The following PREX1 variants were observed in gnomAD, a reference collection of about 807,000 sequenced individuals.
PREX1 encodes phosphatidylinositol 3,4,5-trisphosphate-dependent Rac exchanger 1 protein.
In PREX1, 41 loss-of-function variants were observed where a neutral mutation model predicts 198.3. The ratio of observed to expected loss-of-function variants is 0.21; its 90% CI spans 0.16 to 0.27. PREX1 has a LOEUF of 0.27. Ranked by LOEUF, PREX1 falls within the 10% of genes least tolerant of loss-of-function variation. The pLI, the probability that PREX1 is intolerant of heterozygous loss-of-function variation, is 1.00. For missense variants in PREX1, 1,620 were observed against 2,200.7 expected, an observed-to-expected ratio of 0.74 and a Z score of 5.28; for synonymous variants, 843 against 887.2, an observed-to-expected ratio of 0.95 and a Z score of 0.89.
At chr20:48,764,797 A>G (rs1229296631) in intron 1 of PREX1, among the ~76,000 whole-genome samples, 2 of 139,794 alleles carry the variant, frequency 1.4e-5, no homozygotes, top group African/African-American at 5.1e-5. Context: ...AAAAAAAAAA[A>G]GAAAGAAAGA....
rs781157860 is a variant in PREX1 at position 48,632,257 on chromosome 20, C to T, written c.4526+20G>A. On this transcript the variant is annotated intron_variant, in intron 35 of 39. Transcript: ENST00000371941. ...GAGGTTTCCTGACTCCTGCCCCCAA[C>T]GGGGACCCCAGGCGGATACCTGAGT... is the stretch of plus-strand genomic sequence containing the variant. The T allele has an allele frequency of 5.0e-5, 81 of 1,611,946 alleles. No homozygotes were observed. The Admixed American group carries it at 5.8e-4, about 12-fold the overall frequency.
chr20:48,740,601 C>T (rs1324480911), intron 3 of PREX1, among the ~76,000 whole-genome samples: 7 of 152,246 alleles, frequency 4.6e-5, no homozygotes, highest in Non-Finnish European at 8.8e-5. Flanking sequence ...GTGTGCAAAT[C>T]GCCAGCTTCC....
intron 13 of PREX1, among the ~76,000 whole-genome samples, chr20:48,678,111 C>T (rs558148020): frequency 6.7e-6 from 1 of 150,218 alleles, no homozygotes; most frequent in African/African-American, 2.5e-5. Flanking sequence ...GTCAGGAGTT[C>T]GAGCCCAGCC....
intron 1 of PREX1, among the ~76,000 whole-genome samples, chr20:48,764,898 C>T (rs1467246726): frequency 6.6e-6 from 1 of 151,792 alleles, no homozygotes; most frequent in Non-Finnish European, 1.5e-5. Flanking sequence ...GACGAGGCCA[C>T]AAGCCAAGGA....
intron 1 of PREX1, among the ~76,000 whole-genome samples, chr20:48,771,467 T>C (rs1483930304): frequency 6.6e-6 from 1 of 151,998 alleles, no homozygotes; most frequent in Admixed American, 6.6e-5. Context: ...TGCTCTAAAA[T>C]GATGCCAAAG....
chr20:48,636,953 G>C (rs752823400), intron 31 of PREX1, among the ~76,000 whole-genome samples: 12 of 152,218 alleles, frequency 7.9e-5, no homozygotes, highest in Non-Finnish European at 1.8e-4. Context: ...CAAACATCTT[G>C]TGATTTTCCT....
At chr20:48,888,180 T>C in the PREX1 span, among the ~76,000 whole-genome samples, 1 of 151,900 alleles carries the variant, frequency 6.6e-6, no homozygotes, top group Non-Finnish European at 1.5e-5. Context: ...CAAGAAAGAA[T>C]GAGGGAAGAA....
At chr20:48,721,664 G>C (rs966686177) in intron 5 of PREX1, among the ~76,000 whole-genome samples, 1 of 152,226 alleles carries the variant, frequency 6.6e-6, no homozygotes, top group African/African-American at 2.4e-5. Flanking sequence ...GAGAGTCCTG[G>C]GAGGGTAGTC....
At position 48,655,360 on chromosome 20, in the gene PREX1, G is replaced by A. The variant is rs536915585; in HGVS notation, c.2139C>T (p.Pro713=). Residue 713 remains proline, a synonymous_variant, in exon 19 of 40, where the codon CCC becomes CCT. Transcript: ENST00000371941. ...ATKAKEIIKI[P]DQPDTLCFQI... Reference sequence around the variant, plus strand: ...GGAAGCACAGTGTGTCCGGCTGGTCGGGGATTTTGATGATCCTGCACCAGG... The same window carrying A: ...GGAAGCACAGTGTGTCCGGCTGGTCAGGGATTTTGATGATCCTGCACCAGG... 64 of 1,587,004 alleles carry A rather than the reference G, an allele frequency of 4.0e-5. No individual in the cohort carries two copies. The highest frequency in any genetic ancestry group is 3.3e-4 in the Middle Eastern group (2 of 6,012).
chr20:48,752,654 G>A (rs913093682), intron 1 of PREX1, among the ~76,000 whole-genome samples: 12 of 152,108 alleles, frequency 7.9e-5, no homozygotes, highest in African/African-American at 2.2e-4. Flanking sequence ...ATTCAGCTCC[G>A]GTGGCCCCCA....
chr20:48,690,858 T>C, intron 9 of PREX1, 89 bp downstream of exon 9: 2 of 1,567,316 alleles, frequency 1.3e-6, no homozygotes, highest in Non-Finnish European at 1.7e-6. Flanking sequence ...AAAAGGACCC[T>C]ATGCCCCTTC....
chr20:48,701,235 C>T (rs980145944), intron 6 of PREX1, among the ~76,000 whole-genome samples: 5 of 151,986 alleles, frequency 3.3e-5, no homozygotes, highest in Non-Finnish European at 4.4e-5. Context: ...TTTTTTTAAA[C>T]GGAATTTCAC....
intron 1 of PREX1, among the ~76,000 whole-genome samples, chr20:48,749,235 G>A (rs1230086019): frequency 6.6e-6 from 1 of 152,176 alleles, no homozygotes; most frequent in Non-Finnish European, 1.5e-5. Context: ...GCCACATGGA[G>A]ACCCCTGGGA....
At chr20:48,748,961 G>A (rs2090121856) in intron 1 of PREX1, among the ~76,000 whole-genome samples, 2 of 152,166 alleles carry the variant, frequency 1.3e-5, no homozygotes, top group African/African-American at 4.8e-5. Context: ...AAAGTGGGGG[G>A]ACCAGGGCAG....
At chr20:48,881,710 C>T in the PREX1 span, among the ~76,000 whole-genome samples, 141 of 152,246 alleles carry the variant, frequency 9.3e-4, no homozygotes, top group Non-Finnish European at 1.9e-3. Context: ...TGGTCTCAAA[C>T]GCCTGACTTT....
chr20:48,832,428 C>T (rs73260270), upstream of PREX1, among the ~76,000 whole-genome samples: 4,342 of 152,266 alleles, frequency 0.029, 214 homozygotes, highest in African/African-American at 0.099. Context: ...AAGTGATTTT[C>T]TTTCCCATCC....
At chr20:48,857,239 C>G in the PREX1 span, among the ~76,000 whole-genome samples, 29 of 152,184 alleles carry the variant, frequency 1.9e-4, no homozygotes, top group Admixed American at 1.9e-3. Flanking sequence ...AACTGAGGCC[C>G]AGAGTAGGGA....
At chr20:48,796,422 A>C (rs2090362544) in intron 1 of PREX1, among the ~76,000 whole-genome samples, 1 of 152,108 alleles carries the variant, frequency 6.6e-6, no homozygotes. Flanking sequence ...ACAAAGCAAA[A>C]TGCAGAAACG....
At chr20:48,824,553 A>C (rs2090500566) in intron 1 of PREX1, among the ~76,000 whole-genome samples, 1 of 152,232 alleles carries the variant, frequency 6.6e-6, no homozygotes, top group African/African-American at 2.4e-5. Flanking sequence ...AATAATAACC[A>C]ATATTTATAT....
Sources: allele counts gnomAD v4.1 joint callset (sites outside exome capture counted in the v4.1 genomes callset), GRCh38; gene constraint gnomAD v4.1.1; transcripts MANE v1.5; gene names NCBI Gene and HGNC (gene_info 2026-07-23, HGNC 2026-07-21).